Variants in CC2D2A observed in about 807,000 individuals in gnomAD.
CC2D2A encodes the protein coiled-coil and C2 domain containing 2A.
A neutral mutation model predicts 212.9 loss-of-function variants in CC2D2A; 155 were observed. That is an observed-to-expected ratio of 0.73 (90% CI 0.64 to 0.83). The LOEUF (loss-of-function observed/expected upper bound fraction) is 0.83. CC2D2A is among the 40% of genes least tolerant of loss of function. CC2D2A has a pLI of 0.00. For missense variants in CC2D2A, 1,856 were observed against 1,956.2 expected, an observed-to-expected ratio of 0.95 and a Z score of 0.97; for synonymous variants, 667 against 686.5, an observed-to-expected ratio of 0.97 and a Z score of 0.44.
Position 15,502,880 on chromosome 4 carries a change from G to A in CC2D2A, c.395G>A (p.Arg132Gln), listed in dbSNP as rs772016081. The part of the protein sequence containing the change: ...EIPTPRPRRL[R>Q]SPSKKELETE... ...CCCACTCCTCGGCCCAGACGCTTAC[G>A]AAGTCCCAGTAAGAAAGAATTGGAG... The change falls in exon 6 of 37, where the codon CGA becomes CAA. Residue 132 changes from arginine to glutamine, a missense_variant. By Grantham distance (43) the Arg-to-Gln change is conservative. Around this residue, in one of 5 missense-constraint regions of CC2D2A, gnomAD observed 1,512 missense variants for 1,579.3 expected, o/e 0.96. Transcript: ENST00000424120. 6 of 1,611,740 alleles carry A rather than the reference G, an allele frequency of 3.7e-6. No homozygotes were observed. The highest frequency in any genetic ancestry group is 1.1e-5 in the South Asian group (1 of 90,336).
intron 1 of CC2D2A, among the ~76,000 whole-genome samples, chr4:15,474,633 A>G (rs1444019910): frequency 6.6e-6 from 1 of 152,208 alleles, no homozygotes; most frequent in East Asian, 1.9e-4. Flanking sequence ...GATTGAGGGG[A>G]TAGACACCCA....
At chr4:15,555,022 A>C (rs1719206161) in intron 19 of CC2D2A, 50 bp from the exon 20 acceptor site, 1 of 1,572,900 alleles carries the variant, frequency 6.4e-7, no homozygotes, top group East Asian at 2.3e-5. Context: ...GTCCTGATGC[A>C]AACTGTTCTG....
chr4:15,584,316 G>C (rs1720774337), intron 30 of CC2D2A, among the ~76,000 whole-genome samples: 2 of 152,148 alleles, frequency 1.3e-5, no homozygotes, highest in African/African-American at 4.8e-5. Flanking sequence ...TAGACCAATG[G>C]AAGAGGATAG....
rs753590658 is a variant in CC2D2A at position 15,500,075 on chromosome 4, TTGTGTGTGTG to T, written c.248-2330_248-2321del. On this transcript the variant is annotated intron_variant, in intron 4 of 36. Transcript: ENST00000424120. ...TAAAGTGTACTTACACAAACCTAGA[TTGTGTGTGTG>T]TGTGTGTGTGTGTGTGTGTGTGTAT... 5.6e-3 allele frequency among the ~76,000 whole-genome samples: 701 copies of T among 124,392 alleles called. 12 individuals are homozygous for T. The highest frequency in any genetic ancestry group is 0.019 in the African/African-American group (597 of 31,732). The allele number at this position is 124,392 out of a possible 152,430, so 81.6% of individuals were successfully genotyped here. A position where few individuals can be genotyped will look rare whatever the true frequency, so the allele number is the denominator to read the frequency against.
chr4:15,575,022 C>T (rs1020698358), intron 29 of CC2D2A, among the ~76,000 whole-genome samples: 4 of 152,202 alleles, frequency 2.6e-5, no homozygotes, highest in Admixed American at 2.6e-4. Flanking sequence ...AAATTGCAAC[C>T]TCAGGCATAA....
intron 29 of CC2D2A, chr4:15,576,516 T>G (rs1386771732): frequency 1.3e-5 from 3 of 224,942 alleles, no homozygotes; most frequent in Non-Finnish European, 2.2e-5. Flanking sequence ...TTACATGATC[T>G]TGTTAAAAAT....
rs1718165022 is a variant in CC2D2A at position 15,536,981 on chromosome 4, A to T, written c.1669A>T (p.Ser557Cys). 3.1e-6 allele frequency: 5 copies of T among 1,613,930 alleles called. No homozygotes were observed. Among genetic ancestry groups the T allele is most frequent in the Middle Eastern group, 1.6e-4 (1 of 6,062 alleles). Residue 557 changes from serine (S) to cysteine (C), a missense_variant, in exon 15 of 37, where the codon AGT becomes TGT. By Grantham distance (112) the Ser-to-Cys change is moderately radical (BLOSUM62 -1). Coordinates refer to ENST00000424120, the MANE Select transcript of CC2D2A (RefSeq NM_001378615.1). Reference protein sequence around the residue: ...AYEAEIQAEISELLEEHTEEY... With the variant: ...AYEAEIQAEICELLEEHTEEY... Reference sequence around the variant, plus strand: ...TGAAGCAGAAATTCAAGCTGAAATAAGTGAACTGTTAGAAGAGCACACGGA... The same window carrying T: ...TGAAGCAGAAATTCAAGCTGAAATATGTGAACTGTTAGAAGAGCACACGGA...
intron 33 of CC2D2A, among the ~76,000 whole-genome samples, chr4:15,595,204 C>T (rs1001319519): frequency 6.6e-6 from 1 of 152,086 alleles, no homozygotes; most frequent in African/African-American, 2.4e-5. Context: ...TAGAACTGAG[C>T]CTCAACATAG....
intron 28 of CC2D2A, among the ~76,000 whole-genome samples, chr4:15,572,170 G>A (rs1377974245): frequency 6.6e-6 from 1 of 152,046 alleles, no homozygotes; most frequent in Non-Finnish European, 1.5e-5. Flanking sequence ...TTATTGCCGG[G>A]TAGTTTATAC....
rs184080058 is a variant in CC2D2A at position 15,551,608 on chromosome 4, C to A, written c.2338+628C>A. ...TCCTTCCAATTACTGTATATTTCAA[C>A]TCTAGAAATTATGCTTAGTTCTTTC... On this transcript the variant is annotated intron_variant, in intron 18 of 36. Transcript: ENST00000424120. 2.8e-3 allele frequency among the ~76,000 whole-genome samples: 423 copies of A among 152,278 alleles called. 6 individuals carry two copies. Among genetic ancestry groups the A allele is most frequent in the African/African-American group, 9.9e-3 (410 of 41,564 alleles).
In CC2D2A at chr4:15,515,999, G is replaced by A. The variant is rs1716849397; in HGVS notation, c.1012G>A (p.Asp338Asn). The stretch of plus-strand genomic sequence containing the variant: ...CATGGAGAACAGATTGCTGATGCAG[G>A]ACCCCGTAAGTGTGCACCCTCTGCT... ...NIMENRLLMQ[D>N]PERRWFGDDG... is the part of the protein sequence containing the mutation. The change falls in exon 10 of 37, where the codon GAC (aspartate) becomes AAC (asparagine). Residue 338 changes from aspartate (D) to asparagine (N), a missense_variant. Around this residue, in one of 5 missense-constraint regions of CC2D2A, gnomAD observed 1,512 missense variants for 1,579.3 expected, o/e 0.96. Coordinates refer to ENST00000424120, the MANE Select transcript of CC2D2A (RefSeq NM_001378615.1). 4 of 1,591,580 alleles carry A rather than the reference G, an allele frequency of 2.5e-6. No individual in the cohort carries two copies. The highest frequency in any genetic ancestry group is 1.3e-5 in the African/African-American group (1 of 74,464).
intron 34 of CC2D2A, among the ~76,000 whole-genome samples, chr4:15,596,966 C>T (rs1721348243): frequency 6.6e-6 from 1 of 152,182 alleles, no homozygotes; most frequent in South Asian, 2.1e-4. Flanking sequence ...GCACAAGTTG[C>T]ATGTTCATAA....
At chr4:15,573,038 C>G (rs758612359) in intron 28 of CC2D2A, among the ~76,000 whole-genome samples, 3 of 152,140 alleles carry the variant, frequency 2.0e-5, no homozygotes, top group Non-Finnish European at 4.4e-5. Flanking sequence ...GGCAGCTGAT[C>G]AGATGGTGCC....
At chr4:15,572,688 G>GATAT (rs1048873386) in intron 28 of CC2D2A, among the ~76,000 whole-genome samples, 1 of 151,588 alleles carries the variant, frequency 6.6e-6, no homozygotes, top group Non-Finnish European at 1.5e-5. Flanking sequence ...TAATAGGATA[G>GATAT]ATATATATAT....
chr4:15,521,765 G>A (rs970269737), intron 11 of CC2D2A, among the ~76,000 whole-genome samples: 19 of 152,214 alleles, frequency 1.2e-4, no homozygotes, highest in African/African-American at 4.3e-4. Context: ...ACTTTGCTGC[G>A]TGTATTAAAA....
intron 29 of CC2D2A, among the ~76,000 whole-genome samples, chr4:15,577,895 A>G (rs1423362716): frequency 6.6e-6 from 1 of 152,100 alleles, no homozygotes; most frequent in Admixed American, 6.6e-5. Context: ...ATTCTTCCAT[A>G]CTCATTTATC....
At chr4:15,522,046 A>T (rs185732756) in intron 11 of CC2D2A, among the ~76,000 whole-genome samples, 1 of 152,112 alleles carries the variant, frequency 6.6e-6, no homozygotes, top group South Asian at 2.1e-4. Flanking sequence ...TACAAAAAAT[A>T]AAAAGGTAAC....
chr4:15,512,335 G>C (rs988000166), intron 8 of CC2D2A, among the ~76,000 whole-genome samples: 3 of 152,140 alleles, frequency 2.0e-5, no homozygotes, highest in African/African-American at 7.2e-5. Flanking sequence ...AAGATAAATG[G>C]ATAAACATAA....
intron 25 of CC2D2A, 92 bp downstream of exon 25, chr4:15,567,574 T>C: frequency 7.4e-7 from 1 of 1,358,214 alleles, no homozygotes; most frequent in Non-Finnish European, 1.0e-6. Flanking sequence ...CTCTGCTTCA[T>C]TTTCTTTGGA....
Sources: allele counts gnomAD v4.1 joint callset (sites outside exome capture counted in the v4.1 genomes callset), GRCh38; gene constraint gnomAD v4.1.1; regional missense constraint gnomAD v4.1.1; transcripts MANE v1.5; gene names NCBI Gene and HGNC (gene_info 2026-07-23, HGNC 2026-07-21).